Variants in TTC7B observed in about 807,000 individuals in gnomAD.
TTC7B encodes tetratricopeptide repeat domain 7B.
A neutral mutation model predicts 106.8 loss-of-function variants in TTC7B; 28 were observed. The observed-to-expected ratio is 0.26, with a 90% confidence interval of 0.19 to 0.36. The LOEUF (loss-of-function observed/expected upper bound fraction) is 0.36. Among genes scored for constraint, TTC7B ranks in the 10% least tolerant of loss-of-function variants. The probability of loss-of-function intolerance (pLI) is 1.00; values close to 1 mark genes in which losing one functional copy is unlikely to be tolerated. For missense variants in TTC7B, 862 were observed against 1,076.4 expected, an observed-to-expected ratio of 0.80 and a Z score of 2.79; for synonymous variants, 405 against 430.6, an observed-to-expected ratio of 0.94 and a Z score of 0.74.
intron 5 of TTC7B, among the ~76,000 whole-genome samples, chr14:90,701,748 CTG>C (rs1257691038): frequency 2.7e-4 from 39 of 145,546 alleles, no homozygotes; most frequent in Middle Eastern, 3.6e-3. Context: ...CCATATATAT[CTG>C]TGTGTGTGTG....
In TTC7B at chr14:90,530,861, T is replaced by C. The variant is rs1566754512; in HGVS notation, c.*10507A>G. On this transcript the variant is annotated 3_prime_UTR_variant, in exon 20 of 20. Coordinates refer to ENST00000328459, the MANE Select transcript of TTC7B (RefSeq NM_001010854.2). ...ATGTGCGTTGTTTTATTGGGTGCAG[T>C]GTATACTGCTCGGGTGATGGGTGCA... 6.6e-6 allele frequency: 1 copy of C among 152,212 alleles called. No individual in the cohort carries two copies. Among genetic ancestry groups the C allele is most frequent in the Non-Finnish European group, 1.5e-5 (1 of 68,052 alleles). 9.4% of individuals were successfully genotyped at this position (152,212 alleles called of 1,614,324 possible). A position where few individuals can be genotyped will look rare whatever the true frequency, so the allele number is the denominator to read the frequency against.
intron 9 of TTC7B, among the ~76,000 whole-genome samples, chr14:90,664,864 CT>C (rs964501818): frequency 1.3e-5 from 2 of 152,140 alleles, no homozygotes; most frequent in Non-Finnish European, 2.9e-5. Flanking sequence ...ACAATGAAGG[CT>C]ATCAATGGGT....
chr14:90,740,125 A>T (rs1889699520), intron 4 of TTC7B, among the ~76,000 whole-genome samples: 1 of 152,238 alleles, frequency 6.6e-6, no homozygotes, highest in African/African-American at 2.4e-5. Context: ...TGATATAACA[A>T]GGACAACATT....
chr14:90,734,070 C>G (rs764719445), intron 4 of TTC7B, among the ~76,000 whole-genome samples: 1 of 152,054 alleles, frequency 6.6e-6, no homozygotes, highest in African/African-American at 2.4e-5. Context: ...TTCTTAACAT[C>G]GTTTTATAAA....
chr14:90,804,810 G>A (rs996332876), intron 1 of TTC7B, among the ~76,000 whole-genome samples: 2 of 152,224 alleles, frequency 1.3e-5, no homozygotes, highest in African/African-American at 2.4e-5. Context: ...CAAGGGCCAG[G>A]GGGGTAGTTC....
At chr14:90,700,670 C>A (rs902716177) in intron 5 of TTC7B, among the ~76,000 whole-genome samples, 1 of 147,442 alleles carries the variant, frequency 6.8e-6, no homozygotes, top group South Asian at 2.2e-4. Context: ...TCATCATATA[C>A]GTATACCCTT....
intron 9 of TTC7B, among the ~76,000 whole-genome samples, chr14:90,659,339 G>A (rs1886092313): frequency 6.6e-6 from 1 of 151,946 alleles, no homozygotes; most frequent in African/African-American, 2.4e-5. Flanking sequence ...AAGCTGTCAT[G>A]AATGAGTTTA....
chr14:90,645,565 G>C (rs1280038654), intron 14 of TTC7B, among the ~76,000 whole-genome samples: 1 of 152,218 alleles, frequency 6.6e-6, no homozygotes, highest in Non-Finnish European at 1.5e-5. Flanking sequence ...AAAGGCTGCT[G>C]CCACACCCAC....
intron 5 of TTC7B, among the ~76,000 whole-genome samples, chr14:90,704,752 G>C (rs945188175): frequency 2.0e-5 from 3 of 152,212 alleles, no homozygotes; most frequent in Non-Finnish European, 2.9e-5. Flanking sequence ...TCAGAAGAAA[G>C]ATGGTGTCGG....
intron 4 of TTC7B, among the ~76,000 whole-genome samples, chr14:90,732,480 C>T (rs367886023): frequency 1.3e-5 from 2 of 152,324 alleles, no homozygotes; most frequent in South Asian, 4.1e-4. Flanking sequence ...CAGGCTCAAA[C>T]GATCCTCCCA....
At chr14:90,781,372 T>A (rs921408236) in intron 2 of TTC7B, among the ~76,000 whole-genome samples, 8 of 152,170 alleles carry the variant, frequency 5.3e-5, no homozygotes, top group African/African-American at 1.4e-4. Context: ...GTGGTGATGG[T>A]TGCACAACTT....
intron 14 of TTC7B, 111 bp downstream of exon 14, chr14:90,646,840 T>G (rs780746805): frequency 1.5e-4 from 153 of 1,030,360 alleles, no homozygotes; most frequent in Non-Finnish European, 2.2e-4. Context: ...TGGCTCCAGG[T>G]CAGCCTCAAT....
At chr14:90,718,026 CAT>C (rs1387396046) in intron 5 of TTC7B, among the ~76,000 whole-genome samples, 6 of 152,248 alleles carry the variant, frequency 3.9e-5, no homozygotes, top group African/African-American at 1.4e-4. Context: ...TCCCCACACT[CAT>C]GTGTTATTTC....
chr14:90,605,889 A>C, intron 17 of TTC7B: 1 of 593,996 alleles, frequency 1.7e-6, no homozygotes, highest in Non-Finnish European at 2.3e-6. Flanking sequence ...ATACACAATC[A>C]TTCCTCTACC....
rs1422535087 is a variant in TTC7B, at chr14:90,529,852, A to C, written c.*11516T>G. 2 of 152,264 alleles carry C rather than the reference A, an allele frequency of 1.3e-5. No individual in the cohort carries two copies. The highest frequency in any genetic ancestry group is 3.8e-4 in the East Asian group (2 of 5,204). 9.4% of individuals were successfully genotyped at this position (152,264 alleles called of 1,614,324 possible). A position where few individuals can be genotyped will look rare whatever the true frequency, so the allele number is the denominator to read the frequency against. On this transcript the variant is annotated 3_prime_UTR_variant, in exon 20 of 20. Transcript: ENST00000328459. ...GAAAGGGTTAAACAGTCTGCAGTGC[A>C]TCCATGTGAGGGGAGGTTATGCTGT... is the stretch of plus-strand genomic sequence containing the variant.
intron 7 of TTC7B, among the ~76,000 whole-genome samples, chr14:90,688,025 T>C (rs535343965): frequency 1.3e-5 from 2 of 152,254 alleles, no homozygotes; most frequent in Non-Finnish European, 2.9e-5. Context: ...AGAAAGCGTG[T>C]AGTCACGCCA....
chr14:90,607,486 C>T (rs536545772), intron 17 of TTC7B, among the ~76,000 whole-genome samples: 2 of 152,374 alleles, frequency 1.3e-5, no homozygotes, highest in South Asian at 4.1e-4. Flanking sequence ...CACATTTGAT[C>T]TCAGGGTCAC....
At chr14:90,660,306 C>T (rs1304074726) in intron 9 of TTC7B, among the ~76,000 whole-genome samples, 1 of 142,982 alleles carries the variant, frequency 7.0e-6, no homozygotes, top group Non-Finnish European at 1.5e-5. Flanking sequence ...GGGAGAATAG[C>T]TTGAGCCCAG....
At chr14:90,734,499 T>C (rs889309973) in intron 4 of TTC7B, among the ~76,000 whole-genome samples, 3 of 151,778 alleles carry the variant, frequency 2.0e-5, no homozygotes, top group Admixed American at 1.3e-4. Flanking sequence ...CAATGAGCTA[T>C]GATCACTATC....
Sources: gnomAD v4.1 joint callset for allele counts (sites outside exome capture counted in the v4.1 genomes callset) on GRCh38, gnomAD v4.1.1 for gene constraint, MANE v1.5 for transcripts, NCBI Gene and HGNC (gene_info 2026-07-23, HGNC 2026-07-21) for gene names.